The following TRIM2 variants were observed in gnomAD, a reference collection of about 807,000 sequenced individuals.
TRIM2 encodes the protein tripartite motif containing 2, also known as tripartite motif-containing protein 2.
A neutral mutation model predicts 75.2 loss-of-function variants in TRIM2; 20 were observed. The observed-to-expected ratio is 0.27, with a 90% CI of 0.19 to 0.39. The LOEUF is 0.39. TRIM2 is among the 10% of genes least tolerant of loss of function. TRIM2 has a pLI of 1.00. For synonymous variants in TRIM2, 373 were observed against 388.3 expected, an observed-to-expected ratio of 0.96 and a Z score of 0.46; for missense variants, 660 against 990.8, an observed-to-expected ratio of 0.67 and a Z score of 4.48.
chr4:153,320,104 C>T (rs1018491318), intron 8 of TRIM2, among the ~76,000 whole-genome samples: 4 of 152,282 alleles, frequency 2.6e-5, no homozygotes, highest in African/African-American at 7.2e-5. Context: ...TCTCTGCTGA[C>T]TTACCCTCCA....
At chr4:153,206,980 A>G (rs1433498731) in intron 1 of TRIM2, among the ~76,000 whole-genome samples, 1 of 152,102 alleles carries the variant, frequency 6.6e-6, no homozygotes, top group African/African-American at 2.4e-5. Context: ...CCTTGGGCTC[A>G]AGCGATCCTC....
At chr4:153,299,094 T>A (rs1396506354) in intron 6 of TRIM2, among the ~76,000 whole-genome samples, 1 of 152,124 alleles carries the variant, frequency 6.6e-6, no homozygotes, top group African/African-American at 2.4e-5. Flanking sequence ...AACTTATCCC[T>A]CTTATTTAAC....
chr4:153,308,142 G>T, intron 6 of TRIM2: 2 of 1,162,484 alleles, frequency 1.7e-6, no homozygotes, highest in Non-Finnish European at 2.6e-6. Flanking sequence ...GGGAACTTCA[G>T]TTCCTTTCCT....
At chr4:153,320,695 C>A (rs149113610) in intron 8 of TRIM2, among the ~76,000 whole-genome samples, 6 of 152,252 alleles carry the variant, frequency 3.9e-5, no homozygotes, top group Admixed American at 3.9e-4. Context: ...TGAGGTGGCG[C>A]GACCTTGGCT....
At chr4:153,266,350 T>G (rs1355295032) in intron 1 of TRIM2, among the ~76,000 whole-genome samples, 1 of 147,944 alleles carries the variant, frequency 6.8e-6, no homozygotes, top group African/African-American at 2.5e-5. Flanking sequence ...TTGGGTTTTT[T>G]TTTTTTTTTT....
intron 1 of TRIM2, among the ~76,000 whole-genome samples, chr4:153,184,580 G>A (rs1009393673): frequency 2.0e-5 from 3 of 152,150 alleles, no homozygotes; most frequent in Admixed American, 1.3e-4. Context: ...AGTCCTCTGA[G>A]CACTCTGAAC....
chr4:153,295,688 G>A lies in TRIM2; in HGVS notation c.1162G>A (p.Gly388Ser), dbSNP rs1166833129. Residue 388 changes from glycine to serine, a missense_variant, in exon 6 of 12, where the codon GGC (glycine) becomes AGC (serine). Coordinates refer to ENST00000338700, the MANE Select transcript of TRIM2 (RefSeq NM_015271.5). The surrounding 1 kb of genome is among the most constrained non-coding windows in gnomAD (Gnocchi z 7.2). The stretch of plus-strand genomic sequence containing the variant: ...CAAAGACGGTGAGCTGTGCAAAACC[G>A]GCAACGCCTACCTCACCGCCGAACT... ...KDKDGELCKTGNAYLTAELST... is the reference protein window; with the variant it reads ...KDKDGELCKTSNAYLTAELST... The A allele has an allele frequency of 3.1e-6, 5 of 1,613,782 alleles. No individual in the cohort carries two copies. Among genetic ancestry groups the A allele is most frequent in the Admixed American group, 1.7e-5 (1 of 59,970 alleles).
chr4:153,302,727 T>G (rs1007249542), intron 6 of TRIM2, among the ~76,000 whole-genome samples: 2 of 152,234 alleles, frequency 1.3e-5, no homozygotes, highest in Non-Finnish European at 2.9e-5. Flanking sequence ...CTCACACACC[T>G]TTGTGCATGA....
intron 10 of TRIM2, 35 bp downstream of exon 10, chr4:153,324,183 A>G: frequency 6.3e-7 from 1 of 1,578,640 alleles, no homozygotes; most frequent in Non-Finnish European, 8.6e-7. Context: ...TTAACTTTTA[A>G]CTGCTTTTAT....
At chr4:153,181,791 C>G (rs1015738003) in intron 1 of TRIM2, among the ~76,000 whole-genome samples, 2 of 152,086 alleles carry the variant, frequency 1.3e-5, no homozygotes. Context: ...GTTGGGTGCC[C>G]GTTCCCTGCC....
At position 153,270,538 on chromosome 4, in the gene TRIM2, T is replaced by C. The variant is rs751128374; in HGVS notation, c.215+19T>C. 1.9e-6 allele frequency: 3 copies of C among 1,580,876 alleles called. No homozygotes were observed. Among genetic ancestry groups the C allele is most frequent in the Non-Finnish European group, 2.6e-6 (3 of 1,161,474 alleles). On this transcript the variant is annotated intron_variant, in intron 2 of 11. Transcript: ENST00000338700. ...GCGAGAGGTAAGCCTCCTTTGTGCTTGGAGAAGGGAGTTTCGCAGGCTGAC... is the reference window on the plus strand; with the variant it reads ...GCGAGAGGTAAGCCTCCTTTGTGCTCGGAGAAGGGAGTTTCGCAGGCTGAC...
intron 1 of TRIM2, among the ~76,000 whole-genome samples, chr4:153,229,862 T>A (rs1743148589): frequency 6.6e-6 from 1 of 152,132 alleles, no homozygotes; most frequent in Non-Finnish European, 1.5e-5. Flanking sequence ...TTTCGTTAGA[T>A]TTTTTTTCTA....
At position 153,244,372 on chromosome 4, in the gene TRIM2, C is replaced by CTTCTTCTTA. The variant is rs1748176660; in HGVS notation, c.31-25955_31-25954insATTCTTCTT. Among the ~76,000 whole-genome samples the CTTCTTCTTA allele has an allele frequency of 3.7e-5, 2 of 54,104 alleles. 1 individual carries two copies. The highest frequency in any genetic ancestry group is 3.1e-4 in the African/African-American group (2 of 6,550). The allele number at this position is 54,104 out of a possible 152,430, so 35.5% of individuals were successfully genotyped here. On this transcript the variant is annotated intron_variant, in intron 1 of 11. Coordinates refer to ENST00000338700, the MANE Select transcript of TRIM2 (RefSeq NM_015271.5). Reference sequence around the variant, plus strand: ...TCTTCTTCCTCTTCTTCTTCTTCTTCTTCTTCTTCTTCTTCTTCTTCTTCT... The same window carrying CTTCTTCTTA: ...TCTTCTTCCTCTTCTTCTTCTTCTTCTTCTTCTTATTCTTCTTCTTCTTCTTCTTCTTCT...
At position 153,295,892 on chromosome 4, in the gene TRIM2, C is replaced by T. The variant is rs749124216; in HGVS notation, c.1366C>T (p.Pro456Ser). The part of the protein sequence containing the change: ...LKVIRSADVS[P>S]TTEGVKRRVK... ...AGTGATCCGATCCGCTGATGTGTCTCCCACCACAGAAGGCGTGAAGAGGCG... is the reference window on the plus strand; with the variant it reads ...AGTGATCCGATCCGCTGATGTGTCTTCCACCACAGAAGGCGTGAAGAGGCG... Residue 456 changes from proline (P) to serine (S), a missense_variant, in exon 6 of 12, where the codon CCC (proline) becomes TCC (serine). By Grantham distance (74) the Pro-to-Ser change is moderately conservative (BLOSUM62 -1). Transcript: ENST00000338700. This position sits in a 1 kb window ranked among gnomAD's most constrained non-coding sequence, Gnocchi z 7.2. 2 of 1,613,400 alleles carry T rather than the reference C, an allele frequency of 1.2e-6. No homozygotes were observed. The highest frequency in any genetic ancestry group is 3.3e-5 in the Admixed American group (2 of 59,936).
intron 8 of TRIM2, among the ~76,000 whole-genome samples, chr4:153,318,652 C>A (rs374014655): frequency 2.0e-5 from 3 of 152,082 alleles, no homozygotes; most frequent in Non-Finnish European, 2.9e-5. Context: ...GGAGGCAACC[C>A]ATTTGTTTAT....
intron 1 of TRIM2, among the ~76,000 whole-genome samples, chr4:153,252,248 C>T (rs140969511): frequency 1.3e-5 from 2 of 152,288 alleles, no homozygotes; most frequent in Admixed American, 6.5e-5. Context: ...TGAAACACAT[C>T]ACCTCTCTAC....
chr4:153,258,314 T>A (rs1309492850), intron 1 of TRIM2, among the ~76,000 whole-genome samples: 1 of 152,156 alleles, frequency 6.6e-6, no homozygotes, highest in Non-Finnish European at 1.5e-5. Flanking sequence ...AATTTGCTTT[T>A]TTTCTGACAA....
intron 1 of TRIM2, among the ~76,000 whole-genome samples, chr4:153,260,571 G>A (rs1753151082): frequency 6.6e-6 from 1 of 151,680 alleles, no homozygotes; most frequent in South Asian, 2.1e-4. Flanking sequence ...ATCTGACTCT[G>A]AAAATAAGGA....
At chr4:153,292,960 A>G in intron 3 of TRIM2, 22 bp from the exon 4 acceptor site, 1 of 1,585,254 alleles carries the variant, frequency 6.3e-7, no homozygotes, top group Non-Finnish European at 8.6e-7. Context: ...AGAACCAGGA[A>G]CTTTTCTTGT....
Sources: gnomAD v4.1 joint callset for allele counts (sites outside exome capture counted in the v4.1 genomes callset) on GRCh38, gnomAD v4.1.1 for gene constraint, Gnocchi (gnomAD v3.1) non-coding constraint, MANE v1.5 for transcripts, NCBI Gene and HGNC (gene_info 2026-07-23, HGNC 2026-07-21) for gene names.